Variants in PIGL observed in about 807,000 individuals in gnomAD.
PIGL encodes the protein phosphatidylinositol glycan anchor biosynthesis class L, also known as N-acetylglucosaminyl-phosphatidylinositol de-N-acetylase.
A neutral mutation model predicts 31.1 loss-of-function variants in PIGL; 22 were observed. The observed-to-expected ratio is 0.71, with a 90% CI of 0.51 to 1.01. The LOEUF (loss-of-function observed/expected upper bound fraction) is 1.01, where lower values mean the gene tolerates loss of function less well. Among genes scored for constraint, PIGL ranks in the 50% least tolerant of loss-of-function variants. The pLI is 0.00. For missense variants in PIGL, 302 were observed against 315.9 expected, an observed-to-expected ratio of 0.96 and a Z score of 0.33; for synonymous variants, 131 against 117.4, an observed-to-expected ratio of 1.12 and a Z score of -0.75.
chr17:16,221,807 G>A (rs2092630679), intron 1 of PIGL, among the ~76,000 whole-genome samples: 1 of 152,114 alleles, frequency 6.6e-6, no homozygotes, highest in African/African-American at 2.4e-5. Flanking sequence ...TTTTAGTAGA[G>A]ACAGGGTTTC....
At chr17:16,317,384 TGA>T in intron 5 of PIGL, 1 of 958,178 alleles carries the variant, frequency 1.0e-6, no homozygotes, top group Non-Finnish European at 1.3e-6. Flanking sequence ...AAACTGAGAC[TGA>T]GAGTGGTTAA....
chr17:16,220,746 C>T (rs777438770), intron 1 of PIGL, among the ~76,000 whole-genome samples: 4 of 152,098 alleles, frequency 2.6e-5, no homozygotes, highest in Non-Finnish European at 4.4e-5. Flanking sequence ...CCTTGGCCTC[C>T]CAAAGTGCTG....
At position 16,313,582 on chromosome 17, in the gene PIGL, C is replaced by G. The variant is rs760922815; in HGVS notation, c.462C>G (p.His154Gln). The change falls in exon 4 of 7, where the codon CAC becomes CAG. Residue 154 changes from histidine to glutamine, a missense_variant. His to Gln is a conservative substitution (Grantham distance 24, BLOSUM62 0). Transcript: ENST00000225609. Reference sequence around the variant, plus strand: ...TCGATGCAGGGGGAGTAAGTGGCCACAGCAATCACATTGCTCTGTATGCAG... The same window carrying G: ...TCGATGCAGGGGGAGTAAGTGGCCAGAGCAATCACATTGCTCTGTATGCAG... ...VTFDAGGVSG[H>Q]SNHIALYAAV... 1 of 1,613,950 alleles carries G rather than the reference C, an allele frequency of 6.2e-7. No homozygotes were observed. The highest frequency in any genetic ancestry group is 8.5e-7 in the Non-Finnish European group (1 of 1,179,798).
chr17:16,246,330 G>A (rs1330186721), intron 2 of PIGL, among the ~76,000 whole-genome samples: 2 of 151,100 alleles, frequency 1.3e-5, no homozygotes, highest in African/African-American at 2.4e-5. Flanking sequence ...TGGCCAACAC[G>A]GTGAAACCCC....
intron 1 of PIGL, among the ~76,000 whole-genome samples, chr17:16,225,825 G>A (rs1246697889): frequency 5.9e-5 from 9 of 151,958 alleles, no homozygotes; most frequent in Non-Finnish European, 4.4e-5. Context: ...TCAAACCCAA[G>A]AGCATTCACT....
chr17:16,280,058 G>A (rs907908045), intron 2 of PIGL, among the ~76,000 whole-genome samples: 2 of 152,232 alleles, frequency 1.3e-5, no homozygotes, highest in Admixed American at 6.5e-5. Context: ...CAGAAGCCCA[G>A]GCACATGGAC....
chr17:16,317,414 G>A, intron 5 of PIGL: 1 of 1,009,034 alleles, frequency 9.9e-7, no homozygotes, highest in Non-Finnish European at 1.2e-6. Flanking sequence ...TGCCAAGTCT[G>A]TCAATTCTTG....
intron 2 of PIGL, among the ~76,000 whole-genome samples, chr17:16,237,297 G>A (rs1393363992): frequency 2.0e-5 from 3 of 151,486 alleles, no homozygotes; most frequent in Admixed American, 6.6e-5. Context: ...TAGTAGAGAA[G>A]GGGTTTCGCC....
chr17:16,217,241 G>C lies in PIGL; in HGVS notation c.15G>C (p.Trp5Cys), dbSNP rs1055465827. Reference sequence around the variant, plus strand: ...GCTTACCCATCATGGAAGCAATGTGGCTCCTGTGTGTGGCGTTGGCGGTCT... The same window carrying C: ...GCTTACCCATCATGGAAGCAATGTGCCTCCTGTGTGTGGCGTTGGCGGTCT... MEAM[W>C]LLCVALAVLA... The change falls in exon 1 of 7, where the codon TGG becomes TGC. Residue 5 changes from tryptophan (W) to cysteine (C), a missense_variant. By Grantham distance (215) the Trp-to-Cys change is radical (BLOSUM62 -2). Transcript: ENST00000225609. 1.2e-6 allele frequency: 2 copies of C among 1,614,160 alleles called. No homozygotes were observed. The highest frequency in any genetic ancestry group is 1.1e-5 in the South Asian group (1 of 91,088).
At chr17:16,317,177 T>A (rs2074995) in intron 5 of PIGL, 460,961 of 1,009,706 alleles carry the variant, frequency 0.46, 107,012 homozygotes, top group East Asian at 0.76. Context: ...GTTTCTGGTC[T>A]GTCATACCTC....
chr17:16,220,411 T>C (rs1487485386), intron 1 of PIGL, among the ~76,000 whole-genome samples: 4 of 152,056 alleles, frequency 2.6e-5, no homozygotes, highest in African/African-American at 4.8e-5. Flanking sequence ...TATTTCATTA[T>C]TTCCTCTGAA....
At chr17:16,316,875 G>C (rs555447289) in intron 5 of PIGL, 163 bp downstream of exon 5, 1 of 1,407,480 alleles carries the variant, frequency 7.1e-7, no homozygotes, top group African/African-American at 1.4e-5. Context: ...TACCTGGCAG[G>C]TTGTATCTAC....
intron 6 of PIGL, among the ~76,000 whole-genome samples, chr17:16,320,202 A>AG (rs1454021305): frequency 1.6e-5 from 1 of 63,272 alleles, no homozygotes; most frequent in African/African-American, 6.5e-5. Flanking sequence ...GAGAGAAAGA[A>AG]AAGGAAGGAA....
intron 2 of PIGL, among the ~76,000 whole-genome samples, chr17:16,244,937 C>A (rs1428797687): frequency 6.6e-6 from 1 of 152,140 alleles, no homozygotes; most frequent in African/African-American, 2.4e-5. Context: ...CTCAGCCTTC[C>A]AAAGTGCTGG....
At chr17:16,275,145 T>C (rs2092889432) in intron 2 of PIGL, among the ~76,000 whole-genome samples, 1 of 152,224 alleles carries the variant, frequency 6.6e-6, no homozygotes. Flanking sequence ...GATTATACTC[T>C]AAACAAGGGC....
chr17:16,295,303 T>C (rs560784583), intron 2 of PIGL, among the ~76,000 whole-genome samples: 2 of 151,152 alleles, frequency 1.3e-5, no homozygotes, highest in Non-Finnish European at 2.9e-5. Flanking sequence ...ACTGACAGGC[T>C]GAGGCAGGAG....
intron 2 of PIGL, among the ~76,000 whole-genome samples, chr17:16,243,741 G>A (rs749751668): frequency 6.6e-6 from 1 of 152,208 alleles, no homozygotes; most frequent in Non-Finnish European, 1.5e-5. Flanking sequence ...CTTACTCTGT[G>A]AGTGTTGTGA....
Position 16,249,959 on chromosome 17 carries a change from T to G in PIGL, c.335+15889T>G, listed in dbSNP as rs186497683. Among the ~76,000 whole-genome samples, 28 of 152,298 alleles carry G rather than the reference T, an allele frequency of 1.8e-4. No individual in the cohort carries two copies. The East Asian group carries it at 4.4e-3, about 24-fold the overall frequency. ...GATACCTAAATTATTATTATTTTTG[T>G]GTGTGTGATGGAGTTTCACTCTTGT... On this transcript the variant is annotated intron_variant, in intron 2 of 6. Coordinates refer to ENST00000225609, the MANE Select transcript of PIGL (RefSeq NM_004278.4).
intron 2 of PIGL, among the ~76,000 whole-genome samples, chr17:16,265,705 A>T (rs2092839349): frequency 6.6e-6 from 1 of 151,742 alleles, no homozygotes. Flanking sequence ...GCACCACTGC[A>T]CTCGTAGCAT....
Sources: allele counts gnomAD v4.1 joint callset (sites outside exome capture counted in the v4.1 genomes callset), GRCh38; gene constraint gnomAD v4.1.1; transcripts MANE v1.5; gene names NCBI Gene and HGNC (gene_info 2026-07-23, HGNC 2026-07-21).